Variants in TOMM20 observed in about 807,000 individuals in gnomAD.
TOMM20 encodes mitochondrial import receptor subunit TOM20 homolog.
TOMM20 carries 10 observed loss-of-function variants against 22.1 expected under a neutral mutation model. That is an observed-to-expected ratio of 0.45 (90% CI 0.28 to 0.77). TOMM20 has a LOEUF of 0.77. Ranked by LOEUF, TOMM20 falls within the 30% of genes least tolerant of loss-of-function variation. The pLI is 0.13. For missense variants in TOMM20, 121 were observed against 172.2 expected, an observed-to-expected ratio of 0.70 and a Z score of 1.66; for synonymous variants, 55 against 61.4, an observed-to-expected ratio of 0.90 and a Z score of 0.49.
intron 3 of TOMM20, among the ~76,000 whole-genome samples, chr1:235,115,658 AACAAT>A (rs1660816284): frequency 6.6e-6 from 1 of 152,112 alleles, no homozygotes; most frequent in Non-Finnish European, 1.5e-5. Context: ...AAAAAATAAT[AACAAT>A]ACAAGTAGAG....
chr1:235,122,228 T>C (rs1310177325), intron 2 of TOMM20, 98 bp downstream of exon 2: 1 of 1,125,722 alleles, frequency 8.9e-7, no homozygotes, highest in Non-Finnish European at 1.2e-6. Flanking sequence ...CAGTATCAAC[T>C]AGCTTTTTCC....
intron 3 of TOMM20, among the ~76,000 whole-genome samples, chr1:235,118,715 G>A (rs541053893): frequency 9.8e-4 from 149 of 152,208 alleles, no homozygotes; most frequent in African/African-American, 3.5e-3. Context: ...GTAGAGATGA[G>A]GGTCTCACTT....
At chr1:235,112,369 G>A (rs923024055) in intron 4 of TOMM20, among the ~76,000 whole-genome samples, 2 of 152,014 alleles carry the variant, frequency 1.3e-5, no homozygotes, top group Non-Finnish European at 2.9e-5. Context: ...ATTCAGATGG[G>A]GTCTCTGTAA....
chr1:235,110,549 C>G lies in TOMM20; in HGVS notation c.*1515G>C, dbSNP rs1197425469. 1 of 152,112 alleles carries G rather than the reference C, an allele frequency of 6.6e-6. No homozygotes were observed. Among genetic ancestry groups the G allele is most frequent in the Admixed American group, 6.5e-5 (1 of 15,272 alleles). The allele number at this position is 152,112 out of a possible 1,614,324, so 9.4% of individuals were successfully genotyped here. A position where few individuals can be genotyped will look rare whatever the true frequency, so the allele number is the denominator to read the frequency against. On this transcript the variant is annotated 3_prime_UTR_variant, in exon 5 of 5. Transcript: ENST00000366607. ...CAGGATCACAAACCCTCAAGATACC[C>G]GAGAAAAGTCCTCAAATGTGAGTCG...
At chr1:235,116,962 C>A (rs776212489) in intron 3 of TOMM20, among the ~76,000 whole-genome samples, 1 of 150,264 alleles carries the variant, frequency 6.7e-6, no homozygotes, top group African/African-American at 2.5e-5. Context: ...GGTGAAACCC[C>A]GTCTCTACTA....
Position 235,110,547 on chromosome 1 carries a change from C to T in TOMM20, c.*1517G>A, listed in dbSNP as rs571908810. ...TTCAGGATCACAAACCCTCAAGATA[C>T]CCGAGAAAAGTCCTCAAATGTGAGT... On this transcript the variant is annotated 3_prime_UTR_variant, in exon 5 of 5. Transcript: ENST00000366607. 2 of 152,278 alleles carry T rather than the reference C, an allele frequency of 1.3e-5. No individual in the cohort carries two copies. Among genetic ancestry groups the T allele is most frequent in the South Asian group, 2.1e-4 (1 of 4,826 alleles). 9.4% of individuals were successfully genotyped at this position (152,278 alleles called of 1,614,324 possible).
At position 235,115,692 on chromosome 1, in the gene TOMM20, T is replaced by C. The variant is rs187191502; in HGVS notation, c.251-1782A>G. On this transcript the variant is annotated intron_variant, in intron 3 of 4. Coordinates refer to ENST00000366607, the MANE Select transcript of TOMM20 (RefSeq NM_014765.3). ...AGTAGAGGAACAATTCTCAAGTCTG[T>C]CACATTTCTGTACTTCTGAGCAGAT... 3.2e-4 allele frequency among the ~76,000 whole-genome samples: 49 copies of C among 152,312 alleles called. No individual in the cohort carries two copies. The East Asian group carries it at 8.9e-3, about 28-fold the overall frequency.
At chr1:235,128,328 A>G (rs1661068358) in intron 1 of TOMM20, among the ~76,000 whole-genome samples, 1 of 152,230 alleles carries the variant, frequency 6.6e-6, no homozygotes, top group Non-Finnish European at 1.5e-5. Context: ...GGCCACACAC[A>G]CCCGAGATTG....
At chr1:235,115,966 G>C (rs930985090) in intron 3 of TOMM20, among the ~76,000 whole-genome samples, 1 of 152,166 alleles carries the variant, frequency 6.6e-6, no homozygotes, top group Non-Finnish European at 1.5e-5. Context: ...ACTGTGGCTC[G>C]GGAAACCAGT....
intron 3 of TOMM20, among the ~76,000 whole-genome samples, chr1:235,118,177 C>A (rs141832183): frequency 6.6e-6 from 1 of 152,332 alleles, no homozygotes; most frequent in South Asian, 2.1e-4. Flanking sequence ...TTGCAGTGAT[C>A]TTGTCATTTT....
At chr1:235,116,012 G>C (rs1214124599) in intron 3 of TOMM20, among the ~76,000 whole-genome samples, 1 of 152,214 alleles carries the variant, frequency 6.6e-6, no homozygotes, top group Non-Finnish European at 1.5e-5. Context: ...TTATTGCAGT[G>C]AATAACGAGC....
intron 3 of TOMM20, among the ~76,000 whole-genome samples, chr1:235,115,062 A>G (rs1214777477): frequency 6.6e-6 from 1 of 151,386 alleles, no homozygotes; most frequent in Non-Finnish European, 1.5e-5. Flanking sequence ...TTTTTTGTAG[A>G]AACGGGGTCT....
intron 1 of TOMM20, among the ~76,000 whole-genome samples, chr1:235,127,629 G>T (rs183969865): frequency 4.6e-5 from 7 of 152,258 alleles, no homozygotes; most frequent in East Asian, 1.9e-4. Flanking sequence ...AGTAACTTAC[G>T]TATCAATTTT....
At chr1:235,121,785 A>G (rs1300101311) in intron 2 of TOMM20, among the ~76,000 whole-genome samples, 1 of 152,260 alleles carries the variant, frequency 6.6e-6, no homozygotes, top group Non-Finnish European at 1.5e-5. Flanking sequence ...AAACCTACAT[A>G]GTCATTAAAA....
intron 1 of TOMM20, among the ~76,000 whole-genome samples, chr1:235,124,790 C>T (rs1660984266): frequency 6.6e-6 from 1 of 152,140 alleles, no homozygotes; most frequent in Non-Finnish European, 1.5e-5. Context: ...GATTAAAATT[C>T]TGGCTTTAGT....
At position 235,117,951 on chromosome 1, in the gene TOMM20, A is replaced by G. The variant is rs188345458; in HGVS notation, c.250+1867T>C. On this transcript the variant is annotated intron_variant, in intron 3 of 4. Transcript: ENST00000366607. ...GCCAATTCCTTTCCCAGGTATTGAAATGATGATGTAGTGATACCCATCACA... is the reference window on the plus strand; with the variant it reads ...GCCAATTCCTTTCCCAGGTATTGAAGTGATGATGTAGTGATACCCATCACA... Among the ~76,000 whole-genome samples the G allele has an allele frequency of 2.4e-3, 373 of 152,318 alleles. 3 individuals are homozygous for G. The highest frequency in any genetic ancestry group is 0.024 in the Middle Eastern group (7 of 294).
chr1:235,117,844 T>G (rs1385966575), intron 3 of TOMM20, among the ~76,000 whole-genome samples: 1 of 151,982 alleles, frequency 6.6e-6, no homozygotes, highest in African/African-American at 2.4e-5. Flanking sequence ...ATGTGAGGAC[T>G]ATGATTGTCC....
chr1:235,120,887 A>G (rs1243650647), intron 2 of TOMM20, among the ~76,000 whole-genome samples: 4 of 145,682 alleles, frequency 2.7e-5, no homozygotes, highest in South Asian at 2.2e-4. Flanking sequence ...AAAAAAAAAG[A>G]GGCCATTTTT....
chr1:235,127,633 C>T (rs932409311), intron 1 of TOMM20, among the ~76,000 whole-genome samples: 6 of 152,202 alleles, frequency 3.9e-5, no homozygotes, highest in African/African-American at 1.4e-4. Context: ...ACTTACGTAT[C>T]AATTTTAATT....
Sources: allele counts gnomAD v4.1 joint callset (sites outside exome capture counted in the v4.1 genomes callset), GRCh38; gene constraint gnomAD v4.1.1; transcripts MANE v1.5; gene names NCBI Gene and HGNC (gene_info 2026-07-23, HGNC 2026-07-21).